Variants in NKAIN2 observed in about 807,000 individuals in gnomAD.
NKAIN2 encodes the protein sodium/potassium-transporting ATPase subunit beta-1-interacting protein 2.
A neutral mutation model predicts 32.6 loss-of-function variants in NKAIN2; 14 were observed. That is an observed-to-expected ratio of 0.43 (90% CI 0.28 to 0.67). NKAIN2 has a LOEUF of 0.67. Ranked by LOEUF, NKAIN2 falls within the 30% of genes least tolerant of loss-of-function variation. The pLI is 0.17. For missense variants in NKAIN2, 198 were observed against 258.3 expected, an observed-to-expected ratio of 0.77 and a Z score of 1.60; for synonymous variants, 80 against 87.2, an observed-to-expected ratio of 0.92 and a Z score of 0.46.
chr6:123,843,481 T>G (rs994613207), intron 1 of NKAIN2, among the ~76,000 whole-genome samples: 3 of 152,162 alleles, frequency 2.0e-5, no homozygotes, highest in African/African-American at 7.2e-5. Context: ...CCAGGGGAGC[T>G]TGGGGTTTTT....
At chr6:123,928,215 A>G (rs1776095917) in intron 1 of NKAIN2, among the ~76,000 whole-genome samples, 1 of 152,284 alleles carries the variant, frequency 6.6e-6, no homozygotes, top group Non-Finnish European at 1.5e-5. Flanking sequence ...ACTCATGGAC[A>G]TAAAGATGAG....
chr6:124,267,605 A>G (rs1022089516), intron 1 of NKAIN2, among the ~76,000 whole-genome samples: 2 of 152,162 alleles, frequency 1.3e-5, no homozygotes, highest in Non-Finnish European at 2.9e-5. Context: ...AAATTTTTAC[A>G]CAGAATTTTA....
intron 1 of NKAIN2, among the ~76,000 whole-genome samples, chr6:124,099,363 G>A (rs1417432012): frequency 6.6e-6 from 1 of 152,152 alleles, no homozygotes; most frequent in Non-Finnish European, 1.5e-5. Context: ...TGTTAAAAAT[G>A]TAATTTGAAT....
intron 4 of NKAIN2, among the ~76,000 whole-genome samples, chr6:124,708,990 C>T (rs1376678201): frequency 2.4e-4 from 35 of 146,006 alleles, no homozygotes; most frequent in African/African-American, 5.2e-5. Flanking sequence ...ATAGATAGCT[C>T]TTATGATTTT....
intron 5 of NKAIN2, among the ~76,000 whole-genome samples, chr6:124,816,688 A>G (rs1703141976): frequency 1.3e-5 from 2 of 152,180 alleles, no homozygotes; most frequent in Non-Finnish European, 2.9e-5. Flanking sequence ...TCCAGTTTCT[A>G]TCTGTAGCAC....
intron 1 of NKAIN2, among the ~76,000 whole-genome samples, chr6:123,913,881 T>G (rs1381468330): frequency 6.6e-6 from 1 of 152,166 alleles, no homozygotes. Context: ...AATATCATAA[T>G]TCTTCCCATC....
chr6:124,590,121 C>G (rs1462469120), intron 3 of NKAIN2, among the ~76,000 whole-genome samples: 1 of 152,124 alleles, frequency 6.6e-6, no homozygotes, highest in Non-Finnish European at 1.5e-5. Flanking sequence ...GTTGTGGAAA[C>G]CCAAAGAGCA....
chr6:124,114,392 T>A (rs769948690), intron 1 of NKAIN2, among the ~76,000 whole-genome samples: 15 of 152,004 alleles, frequency 9.9e-5, no homozygotes, highest in Non-Finnish European at 2.2e-4. Context: ...TATATGCAGG[T>A]GGGGGCAGGA....
intron 3 of NKAIN2, among the ~76,000 whole-genome samples, chr6:124,589,603 A>G (rs897408542): frequency 2.6e-5 from 4 of 152,230 alleles, no homozygotes; most frequent in Non-Finnish European, 5.9e-5. Context: ...ATTGCAAAAC[A>G]TTAAAATGTG....
chr6:124,802,980 C>T lies in NKAIN2; in HGVS notation c.535+11581C>T, dbSNP rs191773294. ...TTCAACATCTGTGCCTGACGATGCC[C>T]AGATTCAATTTCTCCACTTCTAATC... On this transcript the variant is annotated intron_variant, in intron 5 of 6. Coordinates refer to ENST00000368417, the MANE Select transcript of NKAIN2 (RefSeq NM_001040214.3). 2.0e-4 allele frequency among the ~76,000 whole-genome samples: 31 copies of T among 152,260 alleles called. 1 individual carries two copies. In the South Asian group the frequency reaches 6.0e-3, roughly 30 times the overall value.
At chr6:124,740,447 C>CGTGTGTGTGTGTGTGTGTGT (rs56154164) in intron 4 of NKAIN2, among the ~76,000 whole-genome samples, 1 of 143,752 alleles carries the variant, frequency 7.0e-6, no homozygotes, top group Non-Finnish European at 1.5e-5. Context: ...CACATATACA[C>CGTGTGTGTGTGTGTGTGTGT]GTGTGTGTGT....
chr6:124,617,541 C>T (rs964645460), intron 3 of NKAIN2, among the ~76,000 whole-genome samples: 1 of 152,042 alleles, frequency 6.6e-6, no homozygotes, highest in East Asian at 1.9e-4. Context: ...AAAGTTTTAC[C>T]TGTTTATGCA....
intron 1 of NKAIN2, among the ~76,000 whole-genome samples, chr6:124,036,952 T>C (rs9482505): frequency 6.6e-6 from 1 of 151,980 alleles, no homozygotes; most frequent in Non-Finnish European, 1.5e-5. Flanking sequence ...GTGTATTTGG[T>C]TTATCAAAGC....
At chr6:124,441,450 C>T (rs1295596057) in intron 3 of NKAIN2, among the ~76,000 whole-genome samples, 1 of 152,152 alleles carries the variant, frequency 6.6e-6, no homozygotes, top group Non-Finnish European at 1.5e-5. Flanking sequence ...AGTGAAGTTA[C>T]GTGACTTACA....
rs537821384 is a variant in NKAIN2 at position 124,359,204 on chromosome 6, C to T, written c.273+3857C>T. 3.0e-4 allele frequency among the ~76,000 whole-genome samples: 45 copies of T among 152,138 alleles called. No individual in the cohort carries two copies. The East Asian group carries it at 3.3e-3, about 11-fold the overall frequency. On this transcript the variant is annotated intron_variant, in intron 3 of 6. Transcript: ENST00000368417. Reference sequence around the variant, plus strand: ...TGTAGTATAGTTTGAAGTCAGGTAGCGTGATGCCTCCAGCTTTGTTCTTTT... The same window carrying T: ...TGTAGTATAGTTTGAAGTCAGGTAGTGTGATGCCTCCAGCTTTGTTCTTTT...
At chr6:124,278,027 A>C (rs1795120268) in intron 1 of NKAIN2, among the ~76,000 whole-genome samples, 1 of 152,152 alleles carries the variant, frequency 6.6e-6, no homozygotes. Flanking sequence ...TATTTGGAAG[A>C]AAATTTGATT....
At chr6:124,697,926 T>C (rs1371308449) in intron 4 of NKAIN2, among the ~76,000 whole-genome samples, 1 of 152,132 alleles carries the variant, frequency 6.6e-6, no homozygotes, top group Non-Finnish European at 1.5e-5. Flanking sequence ...AAGGATGGTG[T>C]GTATCTTACA....
At chr6:124,790,320 T>C (rs1779692027) in intron 4 of NKAIN2, among the ~76,000 whole-genome samples, 1 of 152,076 alleles carries the variant, frequency 6.6e-6, no homozygotes, top group East Asian at 1.9e-4. Flanking sequence ...AACAACTTCA[T>C]TAGGCTTGTC....
chr6:124,651,079 A>G (rs745953288), intron 3 of NKAIN2, among the ~76,000 whole-genome samples: 4 of 152,194 alleles, frequency 2.6e-5, no homozygotes, highest in African/African-American at 7.2e-5. Flanking sequence ...ACTTGTCTCA[A>G]TAAAGTCCAA....
Sources: allele counts gnomAD v4.1 joint callset (sites outside exome capture counted in the v4.1 genomes callset), GRCh38; gene constraint gnomAD v4.1.1; transcripts MANE v1.5; gene names NCBI Gene and HGNC (gene_info 2026-07-23, HGNC 2026-07-21).